The following DCLK2 variants were observed in gnomAD, a reference collection of about 807,000 sequenced individuals.
The protein encoded by DCLK2 is doublecortin like kinase 2.
In DCLK2, 31 loss-of-function variants were observed where a neutral mutation model predicts 78.4. The ratio of observed to expected loss-of-function variants is 0.40; its 90% CI spans 0.30 to 0.53. The LOEUF (loss-of-function observed/expected upper bound fraction) is 0.53, where lower values mean the gene tolerates loss of function less well. DCLK2 is among the 20% of genes least tolerant of loss of function. The pLI is 0.61. For synonymous variants in DCLK2, 407 were observed against 374.9 expected (o/e 1.09, Z -0.99); for missense variants, 872 against 973.7 (o/e 0.90, Z 1.39).
intron 2 of DCLK2, among the ~76,000 whole-genome samples, chr4:150,190,047 AAAAAG>A (rs1464431008): frequency 7.2e-6 from 1 of 139,788 alleles, no homozygotes; most frequent in Admixed American, 7.4e-5. Context: ...AAAAAAAAAA[AAAAAG>A]GCCAAGTGTG....
intron 10 of DCLK2, among the ~76,000 whole-genome samples, chr4:150,237,896 C>G (rs1415144314): frequency 6.6e-6 from 1 of 152,172 alleles, no homozygotes; most frequent in African/African-American, 2.4e-5. Flanking sequence ...AGTTTATTCT[C>G]TGAAATTCCA....
intron 2 of DCLK2, among the ~76,000 whole-genome samples, chr4:150,139,335 C>A (rs551892816): frequency 5.9e-5 from 9 of 152,196 alleles, no homozygotes; most frequent in Non-Finnish European, 1.0e-4. Flanking sequence ...AAAATGATCA[C>A]GTCTGAAGTG....
chr4:150,189,438 A>G (rs1738227060), intron 2 of DCLK2, among the ~76,000 whole-genome samples: 1 of 152,210 alleles, frequency 6.6e-6, no homozygotes, highest in Non-Finnish European at 1.5e-5. Context: ...AGAAAGCCGC[A>G]TGCTGTCAAC....
intron 1 of DCLK2, among the ~76,000 whole-genome samples, chr4:150,098,151 C>A (rs1331785666): frequency 6.6e-6 from 1 of 151,996 alleles, no homozygotes; most frequent in Non-Finnish European, 1.5e-5. Flanking sequence ...GAAGGCAGGA[C>A]AATCCTATGA....
chr4:150,179,839 C>G (rs1163641082), intron 2 of DCLK2, among the ~76,000 whole-genome samples: 1 of 152,060 alleles, frequency 6.6e-6, no homozygotes, highest in East Asian at 1.9e-4. Flanking sequence ...TTTTAAAGAG[C>G]TAGACAGTTT....
intron 8 of DCLK2, among the ~76,000 whole-genome samples, chr4:150,228,974 C>T (rs1010288458): frequency 2.0e-5 from 3 of 150,288 alleles, no homozygotes; most frequent in Admixed American, 1.3e-4. Flanking sequence ...TGCAGTGAGC[C>T]GAGATTGCGC....
At chr4:150,157,441 T>C (rs1225427274) in intron 2 of DCLK2, among the ~76,000 whole-genome samples, 2 of 151,944 alleles carry the variant, frequency 1.3e-5, no homozygotes, top group Admixed American at 1.3e-4. Flanking sequence ...ACTACAAACA[T>C]GTGCCACTAT....
At chr4:150,085,924 A>C (rs776368839) in intron 1 of DCLK2, among the ~76,000 whole-genome samples, 4 of 152,224 alleles carry the variant, frequency 2.6e-5, no homozygotes, top group Admixed American at 6.5e-5. Context: ...ATCTTGGGAA[A>C]TGCTTCTAGG....
intron 4 of DCLK2, among the ~76,000 whole-genome samples, chr4:150,202,438 G>T (rs767407402): frequency 6.6e-6 from 1 of 152,086 alleles, no homozygotes; most frequent in Non-Finnish European, 1.5e-5. Flanking sequence ...AAAAGTTTTC[G>T]TTTTTACTGA....
Position 150,098,038 on chromosome 4 carries a change from T to C in DCLK2, c.422-4440T>C, listed in dbSNP as rs560202702. Among the ~76,000 whole-genome samples the C allele has an allele frequency of 5.9e-5, 9 of 152,310 alleles. No homozygotes were observed. The South Asian group carries it at 1.9e-3, about 32-fold the overall frequency. On this transcript the variant is annotated intron_variant, in intron 1 of 15. Coordinates refer to ENST00000296550, the MANE Select transcript of DCLK2 (RefSeq NM_001040260.4). ...CCTTATAAGATACCATGTGGTGTCT[T>C]AGTAAGAGGGTGTTAGAACCTATCA...
At chr4:150,119,121 G>A (rs1732337382) in intron 2 of DCLK2, among the ~76,000 whole-genome samples, 1 of 151,946 alleles carries the variant, frequency 6.6e-6, no homozygotes, top group African/African-American at 2.4e-5. Context: ...AAATAGCATG[G>A]TTTTTCCATG....
chr4:150,107,315 C>T (rs1487544115), intron 2 of DCLK2, among the ~76,000 whole-genome samples: 11 of 150,194 alleles, frequency 7.3e-5, no homozygotes, highest in Non-Finnish European at 3.0e-5. Context: ...TATTTCTTAT[C>T]TATTTATGTG....
intron 10 of DCLK2, among the ~76,000 whole-genome samples, chr4:150,235,440 A>G (rs1239197426): frequency 2.0e-5 from 3 of 152,196 alleles, no homozygotes; most frequent in Non-Finnish European, 4.4e-5. Flanking sequence ...CAATCAGGAA[A>G]TCAGAGTCAC....
At chr4:150,134,870 AT>A (rs920780517) in intron 2 of DCLK2, among the ~76,000 whole-genome samples, 1 of 151,790 alleles carries the variant, frequency 6.6e-6, no homozygotes, top group Non-Finnish European at 1.5e-5. Context: ...TGTGTTTTTT[AT>A]TCCTTGCAGT....
chr4:150,250,862 A>G (rs1169534503), intron 15 of DCLK2, among the ~76,000 whole-genome samples: 3 of 91,278 alleles, frequency 3.3e-5, no homozygotes, highest in South Asian at 8.1e-4. Context: ...ACATCCCCAC[A>G]CCCCCAACAT....
chr4:150,141,458 A>G (rs1300146866), intron 2 of DCLK2, among the ~76,000 whole-genome samples: 1 of 152,200 alleles, frequency 6.6e-6, no homozygotes, highest in Non-Finnish European at 1.5e-5. Flanking sequence ...ACAGAAGAAT[A>G]AGCACTTAAA....
At chr4:150,105,199 AG>A (rs1731169642) in intron 2 of DCLK2, among the ~76,000 whole-genome samples, 1 of 152,176 alleles carries the variant, frequency 6.6e-6, no homozygotes, top group Non-Finnish European at 1.5e-5. Context: ...AGATTTTCTA[AG>A]CATAACGTAA....
chr4:150,169,337 C>A (rs934003581), intron 2 of DCLK2, among the ~76,000 whole-genome samples: 2 of 152,162 alleles, frequency 1.3e-5, no homozygotes, highest in Non-Finnish European at 2.9e-5. Flanking sequence ...TAGAATGATT[C>A]GTACATCAGG....
intron 2 of DCLK2, among the ~76,000 whole-genome samples, chr4:150,181,844 C>T (rs964113473): frequency 1.3e-5 from 2 of 152,112 alleles, no homozygotes; most frequent in Non-Finnish European, 2.9e-5. Flanking sequence ...TACTGTAGGC[C>T]AGCCAACATT....
Sources: allele counts gnomAD v4.1 joint callset (sites outside exome capture counted in the v4.1 genomes callset), GRCh38; gene constraint gnomAD v4.1.1; transcripts MANE v1.5; gene names NCBI Gene and HGNC (gene_info 2026-07-23, HGNC 2026-07-21).